Variants in GLIS1 observed in about 807,000 individuals in gnomAD.
GLIS1 encodes the protein zinc finger protein GLIS1.
Under a neutral mutation model 63.8 loss-of-function variants are expected in GLIS1, and 24 were observed. That is an observed-to-expected ratio of 0.38 (90% CI 0.27 to 0.53). The LOEUF (loss-of-function observed/expected upper bound fraction) is 0.53, where lower values mean the gene tolerates loss of function less well. Among genes scored for constraint, GLIS1 ranks in the 20% least tolerant of loss-of-function variants. GLIS1 has a pLI of 0.85. For missense variants in GLIS1, 1,036 were observed against 1,074.1 expected (o/e 0.96, Z 0.50); for synonymous variants, 450 against 482.5 (o/e 0.93, Z 0.88).
chr1:53,658,582 G>A (rs1440613417), intron 2 of GLIS1, among the ~76,000 whole-genome samples: 1 of 152,192 alleles, frequency 6.6e-6, no homozygotes, highest in Non-Finnish European at 1.5e-5. Flanking sequence ...TGGAAAGTCA[G>A]GGAGGACTTC....
intron 6 of GLIS1, among the ~76,000 whole-genome samples, chr1:53,521,090 C>T (rs1028960450): frequency 3.3e-5 from 5 of 152,148 alleles, no homozygotes; most frequent in African/African-American, 1.2e-4. Flanking sequence ...AAGCGGGAGC[C>T]TCCGGGACAG....
chr1:53,589,174 T>C (rs576062219), intron 4 of GLIS1, among the ~76,000 whole-genome samples: 116 of 152,282 alleles, frequency 7.6e-4, no homozygotes, highest in Non-Finnish European at 8.1e-4. Context: ...GGTGTGATCA[T>C]AGCTCACTAT....
At chr1:53,527,286 G>A (rs1238290894) in intron 5 of GLIS1, among the ~76,000 whole-genome samples, 1 of 152,212 alleles carries the variant, frequency 6.6e-6, no homozygotes, top group Non-Finnish European at 1.5e-5. Context: ...GCAGGACAGC[G>A]GCTTATTCGA....
chr1:53,552,664 C>G (rs964211291), intron 4 of GLIS1, among the ~76,000 whole-genome samples: 1 of 152,182 alleles, frequency 6.6e-6, no homozygotes, highest in South Asian at 2.1e-4. Flanking sequence ...CCAGCTGAAT[C>G]GGCTCGTGCC....
intron 2 of GLIS1, among the ~76,000 whole-genome samples, chr1:53,665,450 A>G (rs1646080966): frequency 6.6e-6 from 1 of 152,234 alleles, no homozygotes; most frequent in South Asian, 2.1e-4. Flanking sequence ...TGGATCTACC[A>G]CATGATATCC....
Position 53,526,099 on chromosome 1 carries a change from T to G in GLIS1, c.1483-1212A>C, listed in dbSNP as rs530319490. Reference sequence around the variant, plus strand: ...GGACACGTCTAGTGCTTCCGCTCTCTTAGAAGCCTCTGCCCTGCTGGGACT... The same window carrying G: ...GGACACGTCTAGTGCTTCCGCTCTCGTAGAAGCCTCTGCCCTGCTGGGACT... On this transcript the variant is annotated intron_variant, in intron 5 of 10. Coordinates refer to ENST00000628545, the MANE Select transcript of GLIS1 (RefSeq NM_001367484.1). This position sits in a 1 kb window ranked among gnomAD's most constrained non-coding sequence, Gnocchi z 4.4. Among the ~76,000 whole-genome samples the G allele has an allele frequency of 2.6e-5, 4 of 152,282 alleles. No individual in the cohort carries two copies. The highest frequency in any genetic ancestry group is 9.6e-5 in the African/African-American group (4 of 41,544).
At chr1:53,738,166 G>C in intron 1 of GLIS1, 60 bp from the exon 2 acceptor site, 1 of 1,064,194 alleles carries the variant, frequency 9.4e-7, no homozygotes, top group East Asian at 3.3e-5. Context: ...GTATTGTCCC[G>C]GGGCCGAGTT....
chr1:53,597,707 G>A (rs1248111175), intron 3 of GLIS1, among the ~76,000 whole-genome samples: 1 of 152,088 alleles, frequency 6.6e-6, no homozygotes, highest in Non-Finnish European at 1.5e-5. Flanking sequence ...CGGCATAGGG[G>A]CTGGGGGTCT....
chr1:53,512,445 T>G (rs978699346), intron 8 of GLIS1, among the ~76,000 whole-genome samples: 1 of 152,192 alleles, frequency 6.6e-6, no homozygotes, highest in Admixed American at 6.5e-5. Context: ...CCTCTTAGCA[T>G]ATTTTTGAGT....
At chr1:53,512,153 G>A (rs1464003678) in intron 8 of GLIS1, among the ~76,000 whole-genome samples, 1 of 152,190 alleles carries the variant, frequency 6.6e-6, no homozygotes, top group Non-Finnish European at 1.5e-5. Flanking sequence ...AAATTAAACA[G>A]AACACAACTC....
intron 4 of GLIS1, among the ~76,000 whole-genome samples, chr1:53,530,584 G>C (rs774904503): frequency 1.3e-5 from 2 of 152,170 alleles, no homozygotes; most frequent in Non-Finnish European, 2.9e-5. Flanking sequence ...CAGATCCTGT[G>C]GCTCTGTGAC....
chr1:53,588,106 A>C (rs1645153889), intron 4 of GLIS1, among the ~76,000 whole-genome samples: 1 of 152,162 alleles, frequency 6.6e-6, no homozygotes, highest in Non-Finnish European at 1.5e-5. Flanking sequence ...TAAACTGAAA[A>C]TCGCCCAACA....
chr1:53,648,499 T>C (rs1383041852), intron 2 of GLIS1, among the ~76,000 whole-genome samples: 1 of 152,200 alleles, frequency 6.6e-6, no homozygotes, highest in Non-Finnish European at 1.5e-5. Flanking sequence ...GCAGTTTAAT[T>C]CCTACATATA....
chr1:53,514,544 G>T, intron 8 of GLIS1, 81 bp downstream of exon 8: 1 of 1,394,330 alleles, frequency 7.2e-7, no homozygotes, highest in Non-Finnish European at 1.0e-6. Context: ...CAGATAGATA[G>T]TGCGGGACAC....
intron 4 of GLIS1, among the ~76,000 whole-genome samples, chr1:53,559,477 C>T (rs1028749309): frequency 6.6e-6 from 1 of 152,208 alleles, no homozygotes; most frequent in Non-Finnish European, 1.5e-5. Context: ...CCTTCCGAGC[C>T]TGCTCGGCCC....
intron 9 of GLIS1, 92 bp from the exon 10 acceptor site, chr1:53,509,379 G>T (rs1453026782): frequency 2.3e-6 from 3 of 1,288,962 alleles, no homozygotes; most frequent in Non-Finnish European, 3.2e-6. Flanking sequence ...CACCTCCCGT[G>T]TTGTCCTGTC....
intron 2 of GLIS1, among the ~76,000 whole-genome samples, chr1:53,668,085 A>T (rs1646113156): frequency 1.3e-5 from 2 of 152,204 alleles, no homozygotes; most frequent in Non-Finnish European, 2.9e-5. Context: ...CATTGCACAG[A>T]GCAACAATAA....
At position 53,555,932 on chromosome 1, in the gene GLIS1, G is replaced by GGT. The variant is rs769985976; in HGVS notation, c.1321-25982_1321-25981dup. 1.1e-4 allele frequency among the ~76,000 whole-genome samples: 15 copies of GGT among 131,356 alleles called. No homozygotes were observed. The East Asian group carries it at 3.7e-3, about 32-fold the overall frequency. 86.2% of individuals were successfully genotyped at this position (131,356 alleles called of 152,430 possible). On this transcript the variant is annotated intron_variant, in intron 4 of 10. Transcript: ENST00000628545. ...AGGTGTGTGTGTGCGGTGTATTGCAGGTGTGTGTGCAGGTGTACTGCAGGT... is the reference window on the plus strand; with the variant it reads ...AGGTGTGTGTGTGCGGTGTATTGCAGGTGTGTGTGTGCAGGTGTACTGCAGGT...
chr1:53,716,459 C>T (rs1646699483), intron 2 of GLIS1, among the ~76,000 whole-genome samples: 1 of 151,976 alleles, frequency 6.6e-6, no homozygotes, highest in Non-Finnish European at 1.5e-5. Flanking sequence ...CAGGAAAACC[C>T]TCAACCTGAA....
Sources: allele counts gnomAD v4.1 joint callset (sites outside exome capture counted in the v4.1 genomes callset), GRCh38; gene constraint gnomAD v4.1.1; non-coding constraint Gnocchi (gnomAD v3.1); transcripts MANE v1.5; gene names NCBI Gene and HGNC (gene_info 2026-07-23, HGNC 2026-07-21).